The following LSAMP variants were observed in gnomAD, a reference collection of about 807,000 sequenced individuals.
LSAMP encodes the protein limbic system associated membrane protein.
Under a neutral mutation model 38.6 loss-of-function variants are expected in LSAMP, and 7 were observed. That is an observed-to-expected ratio of 0.18 (90% CI 0.10 to 0.34). LSAMP has a LOEUF of 0.34. Ranked by LOEUF, LSAMP falls within the 10% of genes least tolerant of loss-of-function variation. LSAMP has a pLI of 1.00. For synonymous variants in LSAMP, 154 were observed against 166.8 expected, an observed-to-expected ratio of 0.92 and a Z score of 0.59; for missense variants, 313 against 420.0, an observed-to-expected ratio of 0.75 and a Z score of 2.23.
chr3:115,833,293 A>G (rs1023891152), intron 6 of LSAMP, among the ~76,000 whole-genome samples: 3 of 151,912 alleles, frequency 2.0e-5, no homozygotes, highest in Non-Finnish European at 4.4e-5. Flanking sequence ...TCTAAAAAAC[A>G]GGCACATTTT....
At chr3:116,359,774 A>T (rs72950173) in intron 1 of LSAMP, among the ~76,000 whole-genome samples, 18,157 of 152,120 alleles carry the variant, frequency 0.12, 1,584 homozygotes, top group African/African-American at 0.25. Flanking sequence ...TTTTCTAGCC[A>T]TATGCAGAAA....
chr3:116,356,149 A>G (rs75459997), intron 1 of LSAMP, among the ~76,000 whole-genome samples: 4,528 of 152,358 alleles, frequency 0.03, 95 homozygotes, highest in South Asian at 0.082. Context: ...TTACAGCGCT[A>G]TTCACAATAG....
At chr3:116,022,485 T>C (rs952464522) in intron 2 of LSAMP, among the ~76,000 whole-genome samples, 2 of 152,196 alleles carry the variant, frequency 1.3e-5, no homozygotes, top group African/African-American at 4.8e-5. Flanking sequence ...ATATTGTTTC[T>C]AGGTCTATGG....
intron 1 of LSAMP, among the ~76,000 whole-genome samples, chr3:116,291,404 C>A (rs1205357512): frequency 6.6e-6 from 1 of 152,134 alleles, no homozygotes; most frequent in Non-Finnish European, 1.5e-5. Flanking sequence ...TACTAACAAA[C>A]CATTTAACCT....
intron 1 of LSAMP, among the ~76,000 whole-genome samples, chr3:116,127,672 C>T (rs1343184338): frequency 4.2e-5 from 6 of 142,010 alleles, no homozygotes; most frequent in East Asian, 2.0e-4. Context: ...AAAGCTGAGT[C>T]GGCAAGTTTT....
At chr3:116,389,389 T>C (rs2048665107) in intron 1 of LSAMP, among the ~76,000 whole-genome samples, 1 of 152,190 alleles carries the variant, frequency 6.6e-6, no homozygotes, top group South Asian at 2.1e-4. Flanking sequence ...GGACCTGCCT[T>C]GGCCACAGTG....
chr3:115,936,257 T>C (rs553302614), intron 3 of LSAMP, among the ~76,000 whole-genome samples: 2 of 152,322 alleles, frequency 1.3e-5, no homozygotes, highest in East Asian at 3.9e-4. Context: ...TGGATCTTTA[T>C]TTGAGTAGGG....
rs374056019 is a variant in LSAMP, at chr3:116,304,445, A to G, written c.155+140432T>C. On this transcript the variant is annotated intron_variant, in intron 1 of 6. Coordinates refer to ENST00000490035, the MANE Select transcript of LSAMP (RefSeq NM_002338.5). ...ACTACAGGGAAAACCTTTTGAAACA[A>G]CATGGTGGCTACGAGGAAACATGTG... 3.9e-5 allele frequency among the ~76,000 whole-genome samples: 6 copies of G among 152,290 alleles called. 1 individual carries two copies. In the East Asian group the frequency reaches 7.7e-4, roughly 20 times the overall value.
rs1196632847 is a variant in LSAMP at position 116,118,001 on chromosome 3, A to G, written c.156-31445T>C. Among the ~76,000 whole-genome samples the G allele has an allele frequency of 4.0e-5, 6 of 151,798 alleles. No individual in the cohort carries two copies. The East Asian group carries it at 9.7e-4, about 24-fold the overall frequency. ...ATTTCTCAAGAAAGAGTCTTACAAT[A>G]CTCTGTAGAGAGGGAAAATGCTGGC... On this transcript the variant is annotated intron_variant, in intron 1 of 6. Transcript: ENST00000490035.
chr3:116,156,585 T>C (rs1709754584), intron 1 of LSAMP, among the ~76,000 whole-genome samples: 1 of 152,038 alleles, frequency 6.6e-6, no homozygotes, highest in Non-Finnish European at 1.5e-5. Flanking sequence ...GGAAAAATGG[T>C]TCAAAGTGCT....
At chr3:115,840,737 A>AT (rs1304601387) in intron 6 of LSAMP, among the ~76,000 whole-genome samples, 2 of 151,956 alleles carry the variant, frequency 1.3e-5, no homozygotes, top group Non-Finnish European at 2.9e-5. Context: ...TTCTAAAAAT[A>AT]TTTTTTTCTT....
intron 1 of LSAMP, among the ~76,000 whole-genome samples, chr3:116,267,627 A>C (rs1000269070): frequency 6.9e-6 from 1 of 144,742 alleles, no homozygotes; most frequent in African/African-American, 2.6e-5. Context: ...AAAAAAAAAA[A>C]CTGTCACTGG....
chr3:115,869,425 T>C (rs1470214476), intron 3 of LSAMP, among the ~76,000 whole-genome samples: 1 of 152,152 alleles, frequency 6.6e-6, no homozygotes, highest in Non-Finnish European at 1.5e-5. Flanking sequence ...ACTTGACAAC[T>C]GTTATATGTC....
chr3:116,191,067 C>T (rs1383509682), intron 1 of LSAMP, among the ~76,000 whole-genome samples: 9 of 152,012 alleles, frequency 5.9e-5, no homozygotes, highest in South Asian at 2.1e-4. Flanking sequence ...ACTAAAAGTA[C>T]AAAAAATTAG....
intron 1 of LSAMP, among the ~76,000 whole-genome samples, chr3:116,321,555 T>A (rs962252969): frequency 1.3e-5 from 2 of 152,156 alleles, no homozygotes; most frequent in African/African-American, 4.8e-5. Flanking sequence ...TATTCATGTT[T>A]TTTTTACGGC....
At chr3:116,407,459 G>T (rs1336347973) in intron 1 of LSAMP, among the ~76,000 whole-genome samples, 2 of 151,976 alleles carry the variant, frequency 1.3e-5, no homozygotes, top group Non-Finnish European at 2.9e-5. Flanking sequence ...GAACCCCTAT[G>T]CCATTCCCCC....
intron 1 of LSAMP, among the ~76,000 whole-genome samples, chr3:116,269,188 G>C (rs2046937025): frequency 6.6e-6 from 1 of 152,020 alleles, no homozygotes. Flanking sequence ...ATAAGTGAAA[G>C]AATTTAATAG....
rs971521211 is a variant in LSAMP at position 115,980,618 on chromosome 3, G to C, written c.514+38897C>G. Among the ~76,000 whole-genome samples the C allele has an allele frequency of 5.9e-5, 9 of 152,040 alleles. 1 individual carries two copies. Among genetic ancestry groups the C allele is most frequent in the Admixed American group, 4.6e-4 (7 of 15,238 alleles). The stretch of plus-strand genomic sequence containing the variant: ...ATACAGCAAGTTGACAATCCATTTT[G>C]GAACACTTAGATACCTTGAATAATT... On this transcript the variant is annotated intron_variant, in intron 3 of 6. Transcript: ENST00000490035.
chr3:116,020,096 A>G (rs1474998717), intron 2 of LSAMP, among the ~76,000 whole-genome samples: 1 of 152,222 alleles, frequency 6.6e-6, no homozygotes, highest in Non-Finnish European at 1.5e-5. Context: ...TTACTGTATT[A>G]TTAAGATGTG....
Sources: gnomAD v4.1 joint callset for allele counts (sites outside exome capture counted in the v4.1 genomes callset) on GRCh38, gnomAD v4.1.1 for gene constraint, MANE v1.5 for transcripts, NCBI Gene and HGNC (gene_info 2026-07-23, HGNC 2026-07-21) for gene names.